GALNT2: variants seen among roughly 807,000 people sequenced by gnomAD.
The protein encoded by GALNT2 is polypeptide N-acetylgalactosaminyltransferase 2, also known as UDP-GalNAc:polypeptide N-acetylgalactosaminyltransferase 2.
In GALNT2, 31 loss-of-function variants were observed where a neutral mutation model predicts 81.4. The observed-to-expected ratio is 0.38, with a 90% CI of 0.29 to 0.51. The LOEUF is 0.51. GALNT2 is among the 20% of genes least tolerant of loss of function. GALNT2 has a pLI of 0.87. For missense variants in GALNT2, 629 were observed against 765.7 expected (o/e 0.82, Z 2.11); for synonymous variants, 303 against 287.4 (o/e 1.05, Z -0.55).
chr1:230,261,660 T>C (rs543691445), intron 11 of GALNT2, among the ~76,000 whole-genome samples: 2 of 152,254 alleles, frequency 1.3e-5, no homozygotes, highest in Non-Finnish European at 2.9e-5. Context: ...CCAGGGGCTT[T>C]ATTTATGGCA....
chr1:230,275,049 A>T lies in GALNT2; in HGVS notation c.1560+485A>T, dbSNP rs151212421. Among the ~76,000 whole-genome samples the T allele has an allele frequency of 9.9e-5, 15 of 151,558 alleles. No homozygotes were observed. Among genetic ancestry groups the T allele is most frequent in the Non-Finnish European group, 1.6e-4 (11 of 67,776 alleles). ...ACACGCCACATATATACACATATATACATGCCACATATATACGTATATATA... is the reference window on the plus strand; with the variant it reads ...ACACGCCACATATATACACATATATTCATGCCACATATATACGTATATATA... On this transcript the variant is annotated intron_variant, in intron 15 of 15. Transcript: ENST00000366672. The surrounding 1 kb of genome is among the most constrained non-coding windows in gnomAD (Gnocchi z 5.5).
At chr1:230,077,398 A>C (rs1042048833) in intron 1 of GALNT2, among the ~76,000 whole-genome samples, 1 of 152,134 alleles carries the variant, frequency 6.6e-6, no homozygotes, top group African/African-American at 2.4e-5. Context: ...CTTTTTCATC[A>C]ATTCCGAGAG....
chr1:230,208,774 T>C (rs1239408140), intron 3 of GALNT2, among the ~76,000 whole-genome samples: 2 of 152,170 alleles, frequency 1.3e-5, no homozygotes, highest in Non-Finnish European at 2.9e-5. Flanking sequence ...ACTGTGAAGC[T>C]AAAAGGAGCC....
chr1:230,173,086 G>GA (rs1436904518), intron 1 of GALNT2, among the ~76,000 whole-genome samples: 2 of 152,218 alleles, frequency 1.3e-5, no homozygotes, highest in Non-Finnish European at 2.9e-5. Context: ...TTTTGAACCA[G>GA]ATTAAAATGT....
intron 1 of GALNT2, among the ~76,000 whole-genome samples, chr1:230,105,406 C>T (rs963738345): frequency 6.6e-6 from 1 of 152,150 alleles, no homozygotes; most frequent in African/African-American, 2.4e-5. Flanking sequence ...ACATTTCCCC[C>T]GCCTCTCATG....
intron 2 of GALNT2, among the ~76,000 whole-genome samples, chr1:230,198,427 C>T (rs1663777624): frequency 7.3e-6 from 1 of 136,248 alleles, no homozygotes; most frequent in Non-Finnish European, 1.6e-5. Flanking sequence ...CGAGGAGTGG[C>T]AGGGGCAGGA....
chr1:230,142,372 A>G (rs757247012), intron 1 of GALNT2, among the ~76,000 whole-genome samples: 9 of 152,290 alleles, frequency 5.9e-5, no homozygotes, highest in African/African-American at 2.2e-4. Context: ...TAGTCTGTGT[A>G]GGGGGACTCA....
intron 1 of GALNT2, among the ~76,000 whole-genome samples, chr1:230,116,826 G>C (rs1558091469): frequency 6.6e-6 from 1 of 152,234 alleles, no homozygotes; most frequent in African/African-American, 2.4e-5. Context: ...AGGCAGAGTA[G>C]ATTTAACATC....
At chr1:230,113,160 C>T (rs1001585950) in intron 1 of GALNT2, among the ~76,000 whole-genome samples, 7 of 152,118 alleles carry the variant, frequency 4.6e-5, no homozygotes, top group African/African-American at 7.2e-5. Flanking sequence ...AGAGCCCCAG[C>T]GCTGGGCACA....
intron 1 of GALNT2, among the ~76,000 whole-genome samples, chr1:230,112,004 A>G (rs1324393972): frequency 6.6e-6 from 1 of 152,102 alleles, no homozygotes; most frequent in African/African-American, 2.4e-5. Context: ...CTTAAGCAGA[A>G]AAGGGAATTT....
At chr1:230,152,537 A>G (rs1209741573) in intron 1 of GALNT2, among the ~76,000 whole-genome samples, 1 of 152,232 alleles carries the variant, frequency 6.6e-6, no homozygotes, top group African/African-American at 2.4e-5. Flanking sequence ...ATGGGCGTGC[A>G]TGTATTTATA....
chr1:230,162,927 T>A (rs1218437943), intron 1 of GALNT2, among the ~76,000 whole-genome samples: 1 of 152,226 alleles, frequency 6.6e-6, no homozygotes, highest in Non-Finnish European at 1.5e-5. Context: ...GAATGGACAA[T>A]TTCCCCTGTA....
chr1:230,204,617 G>C (rs556481283), intron 3 of GALNT2, among the ~76,000 whole-genome samples: 1 of 152,306 alleles, frequency 6.6e-6, no homozygotes, highest in African/African-American at 2.4e-5. Flanking sequence ...TCCCATACCT[G>C]TAAGTTTGCT....
chr1:230,154,350 T>A (rs1381322689), intron 1 of GALNT2, among the ~76,000 whole-genome samples: 7 of 152,154 alleles, frequency 4.6e-5, no homozygotes. Flanking sequence ...CCCGAGTTGG[T>A]ACAGAGCTGA....
intron 1 of GALNT2, among the ~76,000 whole-genome samples, chr1:230,096,588 A>C: frequency 6.6e-6 from 1 of 151,350 alleles, no homozygotes; most frequent in South Asian, 2.1e-4. Flanking sequence ...TTTTGTTGTT[A>C]ATCCATCAGT....
At chr1:230,136,034 T>C (rs537967890) in intron 1 of GALNT2, among the ~76,000 whole-genome samples, 91 of 152,088 alleles carry the variant, frequency 6.0e-4, no homozygotes, top group African/African-American at 1.9e-3. Context: ...TTCTGTAAAG[T>C]GAGGATAAAA....
intron 3 of GALNT2, among the ~76,000 whole-genome samples, chr1:230,230,105 A>C (rs1664826114): frequency 6.6e-6 from 1 of 152,136 alleles, no homozygotes; most frequent in Non-Finnish European, 1.5e-5. Flanking sequence ...GAAATATTTC[A>C]CTCACATAAA....
chr1:230,110,517 C>A (rs374555575), intron 1 of GALNT2, among the ~76,000 whole-genome samples: 2 of 152,152 alleles, frequency 1.3e-5, no homozygotes, highest in African/African-American at 4.8e-5. Flanking sequence ...TCCCCACTTA[C>A]ACTAAATGGG....
chr1:230,159,981 T>C (rs1572033153), intron 1 of GALNT2, among the ~76,000 whole-genome samples: 1 of 152,008 alleles, frequency 6.6e-6, no homozygotes, highest in Admixed American at 6.6e-5. Flanking sequence ...CTCTGTGGGG[T>C]GTCGTCTGAA....
Sources: gnomAD v4.1 joint callset for allele counts (sites outside exome capture counted in the v4.1 genomes callset) on GRCh38, gnomAD v4.1.1 for gene constraint, Gnocchi (gnomAD v3.1) non-coding constraint, MANE v1.5 for transcripts, NCBI Gene and HGNC (gene_info 2026-07-23, HGNC 2026-07-21) for gene names.